The following PTPRK variants were observed in gnomAD, a reference collection of about 807,000 sequenced individuals.
The protein encoded by PTPRK is protein tyrosine phosphatase receptor type K.
In PTPRK, 75 loss-of-function variants were observed where a neutral mutation model predicts 178.0. That is an observed-to-expected ratio of 0.42 (90% CI 0.35 to 0.51). The LOEUF (loss-of-function observed/expected upper bound fraction) is 0.51, where lower values mean the gene tolerates loss of function less well. PTPRK is among the 20% of genes least tolerant of loss of function. The pLI is 0.02. For missense variants in PTPRK, 1,441 were observed against 1,797.8 expected, an observed-to-expected ratio of 0.80 and a Z score of 3.59; for synonymous variants, 637 against 620.6, an observed-to-expected ratio of 1.03 and a Z score of -0.39.
intron 1 of PTPRK, among the ~76,000 whole-genome samples, chr6:128,399,536 T>G (rs1047607365): frequency 2.0e-5 from 3 of 152,176 alleles, no homozygotes; most frequent in African/African-American, 7.2e-5. Flanking sequence ...CCAATGAAAA[T>G]AGGTTGCTAG....
intron 7 of PTPRK, among the ~76,000 whole-genome samples, chr6:128,179,884 GA>G (rs922185934): frequency 1.3e-5 from 2 of 151,592 alleles, no homozygotes; most frequent in Admixed American, 6.6e-5. Flanking sequence ...TTTGGGACAA[GA>G]AAAAAAATGC....
intron 3 of PTPRK, among the ~76,000 whole-genome samples, chr6:128,317,539 G>A (rs1266684332): frequency 6.6e-6 from 1 of 152,054 alleles, no homozygotes; most frequent in Non-Finnish European, 1.5e-5. Context: ...TGTGCTGACA[G>A]GTAGTATTGC....
chr6:128,093,632 C>CA (rs1413749960), intron 7 of PTPRK, among the ~76,000 whole-genome samples: 81 of 54,238 alleles, frequency 1.5e-3, no homozygotes, highest in African/African-American at 4.6e-3. Context: ...AACGAAAAAA[C>CA]AAAAAAACAA....
chr6:128,174,626 T>G (rs1800790660), intron 7 of PTPRK, among the ~76,000 whole-genome samples: 1 of 151,882 alleles, frequency 6.6e-6, no homozygotes, highest in Non-Finnish European at 1.5e-5. Flanking sequence ...ATTGTTAGCT[T>G]TAGTACATGC....
At chr6:128,217,532 A>G (rs1264228111) in intron 6 of PTPRK, among the ~76,000 whole-genome samples, 1 of 152,192 alleles carries the variant, frequency 6.6e-6, no homozygotes, top group Non-Finnish European at 1.5e-5. Flanking sequence ...CTCTGGGTAA[A>G]TTATCATAAA....
At chr6:128,486,080 T>G (rs1852823520) in intron 1 of PTPRK, among the ~76,000 whole-genome samples, 1 of 152,162 alleles carries the variant, frequency 6.6e-6, no homozygotes, top group South Asian at 2.1e-4. Flanking sequence ...GTTTCATATT[T>G]TCTCAATAAT....
intron 1 of PTPRK, among the ~76,000 whole-genome samples, chr6:128,482,980 C>T (rs1024917309): frequency 2.0e-5 from 3 of 152,080 alleles, no homozygotes; most frequent in African/African-American, 7.2e-5. Context: ...CTTAGCTGGG[C>T]CAACTAAGGC....
chr6:127,971,327 G>C (rs555150070), intron 29 of PTPRK, among the ~76,000 whole-genome samples: 1 of 152,232 alleles, frequency 6.6e-6, no homozygotes, highest in South Asian at 2.1e-4. Context: ...CTGGAGAACA[G>C]TCTAAAATGC....
At chr6:128,115,439 C>T (rs1000085223) in intron 7 of PTPRK, among the ~76,000 whole-genome samples, 27 of 151,906 alleles carry the variant, frequency 1.8e-4, no homozygotes, top group African/African-American at 6.5e-4. Flanking sequence ...TAAAAATGTA[C>T]AGAATGTCAA....
chr6:128,497,103 C>T (rs1280995594), intron 1 of PTPRK, among the ~76,000 whole-genome samples: 1 of 152,160 alleles, frequency 6.6e-6, no homozygotes, highest in African/African-American at 2.4e-5. Flanking sequence ...TGCCTTATGT[C>T]AACTGTCGGA....
chr6:128,117,649 T>C (rs543019180), intron 7 of PTPRK, among the ~76,000 whole-genome samples: 4 of 152,238 alleles, frequency 2.6e-5, no homozygotes, highest in African/African-American at 9.6e-5. Flanking sequence ...GATATAAATA[T>C]TCATATTATT....
chr6:128,362,872 T>C (rs1270888864), intron 2 of PTPRK, among the ~76,000 whole-genome samples: 1 of 152,098 alleles, frequency 6.6e-6, no homozygotes, highest in Non-Finnish European at 1.5e-5. Context: ...CCGGTACAAA[T>C]ACTTTCCCCA....
intron 3 of PTPRK, among the ~76,000 whole-genome samples, chr6:128,290,456 A>G (rs1823201561): frequency 6.6e-6 from 1 of 152,094 alleles, no homozygotes; most frequent in Admixed American, 6.6e-5. Flanking sequence ...ATGACTTGTT[A>G]AAAATGCAAA....
intron 13 of PTPRK, among the ~76,000 whole-genome samples, chr6:128,024,712 A>C (rs1214541467): frequency 6.6e-6 from 1 of 152,134 alleles, no homozygotes; most frequent in African/African-American, 2.4e-5. Context: ...TGGGAGGCTG[A>C]GACAGGAGAA....
intron 6 of PTPRK, among the ~76,000 whole-genome samples, chr6:128,197,925 A>G (rs1297220904): frequency 1.3e-5 from 2 of 152,154 alleles, no homozygotes; most frequent in African/African-American, 4.8e-5. Context: ...TGATGTAATG[A>G]GACCTAGAAC....
chr6:128,068,439 T>C (rs559641479), intron 11 of PTPRK, among the ~76,000 whole-genome samples: 6 of 152,338 alleles, frequency 3.9e-5, no homozygotes, highest in African/African-American at 1.2e-4. Flanking sequence ...TTGTTAATAA[T>C]AAAATGTTAC....
At chr6:128,320,255 T>A (rs72969093) in intron 3 of PTPRK, among the ~76,000 whole-genome samples, 8,350 of 152,250 alleles carry the variant, frequency 0.055, 286 homozygotes, top group Non-Finnish European at 0.069. Flanking sequence ...AACTTAATAG[T>A]AGAATTAACA....
At chr6:128,273,323 C>T (rs547066020) in intron 3 of PTPRK, among the ~76,000 whole-genome samples, 76 of 151,812 alleles carry the variant, frequency 5.0e-4, no homozygotes, top group Admixed American at 1.2e-3. Flanking sequence ...CAAACCTGCA[C>T]TTTGTGCACA....
intron 2 of PTPRK, among the ~76,000 whole-genome samples, chr6:128,371,975 CA>C (rs1836366246): frequency 6.6e-6 from 1 of 151,972 alleles, no homozygotes; most frequent in Non-Finnish European, 1.5e-5. Context: ...GCTATAAATT[CA>C]ATGGCATTTT....
Sources: allele counts gnomAD v4.1 joint callset (sites outside exome capture counted in the v4.1 genomes callset), GRCh38; gene constraint gnomAD v4.1.1; transcripts MANE v1.5; gene names NCBI Gene and HGNC (gene_info 2026-07-23, HGNC 2026-07-21).